The following SFMBT1 variants were observed in gnomAD, a reference collection of about 807,000 sequenced individuals.
SFMBT1 encodes the protein Scm like with four mbt domains 1.
In SFMBT1, 32 loss-of-function variants were observed where a neutral mutation model predicts 108.7. The observed-to-expected ratio is 0.29, with a 90% CI of 0.22 to 0.40. The LOEUF (loss-of-function observed/expected upper bound fraction) is 0.40. Ranked by LOEUF, SFMBT1 falls within the 10% of genes least tolerant of loss-of-function variation. The pLI is 1.00. For synonymous variants in SFMBT1, 348 were observed against 369.5 expected (o/e 0.94, Z 0.67); for missense variants, 816 against 1,059.6 (o/e 0.77, Z 3.19).
intron 1 of SFMBT1, among the ~76,000 whole-genome samples, chr3:53,030,071 T>C (rs1314046291): frequency 3.3e-5 from 5 of 152,074 alleles, no homozygotes; most frequent in South Asian, 2.1e-4. Flanking sequence ...TCTATGGTAC[T>C]GTTTGCAGCA....
chr3:53,035,193 T>C (rs540053937), intron 1 of SFMBT1, among the ~76,000 whole-genome samples: 6 of 150,672 alleles, frequency 4.0e-5, no homozygotes, highest in South Asian at 2.2e-4. Flanking sequence ...GTTTGGACTT[T>C]ACCCGGCCAA....
chr3:53,017,817 C>G (rs934413864), intron 1 of SFMBT1, among the ~76,000 whole-genome samples: 1 of 152,210 alleles, frequency 6.6e-6, no homozygotes, highest in Non-Finnish European at 1.5e-5. Flanking sequence ...TTTCTAAACT[C>G]TTTTCCTTCT....
In SFMBT1 at chr3:52,905,008, T is replaced by C. The variant is rs1479204753; in HGVS notation, c.*128A>G. On this transcript the variant is annotated 3_prime_UTR_variant, in exon 21 of 21. Coordinates refer to ENST00000394752, the MANE Select transcript of SFMBT1 (RefSeq NM_016329.4). ...ACTGTGAGTCCTCCTTCCCCGAAAG[T>C]GCAAAGAGAGCAAGCTGATACCTGC... The C allele has an allele frequency of 1.1e-5, 14 of 1,301,748 alleles. No homozygotes were observed. In the Admixed American group the frequency reaches 2.3e-4, roughly 21 times the overall value. 80.6% of individuals were successfully genotyped at this position (1,301,748 alleles called of 1,614,324 possible).
At chr3:53,022,762 C>T (rs1043451335) in intron 1 of SFMBT1, among the ~76,000 whole-genome samples, 24 of 151,898 alleles carry the variant, frequency 1.6e-4, no homozygotes, top group Non-Finnish European at 3.1e-4. Context: ...CGGGGTGGAG[C>T]GGGAAATGGG....
chr3:52,962,791 A>G (rs1704005886), intron 2 of SFMBT1, among the ~76,000 whole-genome samples: 2 of 125,268 alleles, frequency 1.6e-5, no homozygotes, highest in South Asian at 6.0e-4. Context: ...TGGGTGACAG[A>G]GCAAGGCTCC....
chr3:53,002,216 C>T (rs1342017326), intron 1 of SFMBT1, among the ~76,000 whole-genome samples: 2 of 148,930 alleles, frequency 1.3e-5, no homozygotes, highest in Non-Finnish European at 3.0e-5. Context: ...CTGGCTAACA[C>T]GGCGAAACCT....
chr3:52,909,767 TG>T (rs1702173141), intron 17 of SFMBT1, among the ~76,000 whole-genome samples: 1 of 152,226 alleles, frequency 6.6e-6, no homozygotes, highest in Admixed American at 6.5e-5. Context: ...ATTTTGTCTT[TG>T]GGTGGCAATG....
intron 1 of SFMBT1, among the ~76,000 whole-genome samples, chr3:53,015,677 C>T (rs1432291612): frequency 6.6e-6 from 1 of 152,090 alleles, no homozygotes; most frequent in Non-Finnish European, 1.5e-5. Flanking sequence ...AACACCAGGT[C>T]CAAAAGACCA....
At chr3:53,034,831 T>C (rs1217425278) in intron 1 of SFMBT1, among the ~76,000 whole-genome samples, 1 of 151,736 alleles carries the variant, frequency 6.6e-6, no homozygotes, top group Non-Finnish European at 1.5e-5. Flanking sequence ...CCCAGCTACT[T>C]GGGAGGCTGA....
intron 1 of SFMBT1, 108 bp from the exon 2 acceptor site, chr3:52,969,366 A>G: frequency 1.7e-6 from 2 of 1,144,324 alleles, no homozygotes; most frequent in South Asian, 3.8e-5. Flanking sequence ...ACAAAAACAT[A>G]CTGGCAGAAT....
intron 6 of SFMBT1, 24 bp from the exon 7 acceptor site, chr3:52,931,059 C>G: frequency 6.3e-7 from 1 of 1,585,728 alleles, no homozygotes; most frequent in Non-Finnish European, 8.7e-7. Context: ...TGACAACATG[C>G]TTTAGATGAT....
chr3:52,998,144 G>A lies in SFMBT1; in HGVS notation c.-130-28886C>T, dbSNP rs912968733. ...AAAAAATGTAGATCAGGTCGGGCAC[G>A]GTGGCTCACGCCTGTAATCCCAGCA... On this transcript the variant is annotated intron_variant, in intron 1 of 20. Coordinates refer to ENST00000394752, the MANE Select transcript of SFMBT1 (RefSeq NM_016329.4). Among the ~76,000 whole-genome samples, 12 of 150,130 alleles carry A rather than the reference G, an allele frequency of 8.0e-5. 1 individual carries two copies. The highest frequency in any genetic ancestry group is 2.7e-4 in the Admixed American group (4 of 14,866).
chr3:53,034,550 A>T (rs1029191669), intron 1 of SFMBT1, among the ~76,000 whole-genome samples: 1 of 152,166 alleles, frequency 6.6e-6, no homozygotes, highest in Non-Finnish European at 1.5e-5. Context: ...ACTGTACTCC[A>T]GCCTGGGTGA....
intron 3 of SFMBT1, among the ~76,000 whole-genome samples, chr3:52,950,159 T>G (rs539502865): frequency 4.6e-5 from 7 of 150,622 alleles, no homozygotes; most frequent in African/African-American, 1.4e-4. Context: ...ATTTGTTGCC[T>G]TCTTCTTTGT....
chr3:53,026,302 T>A (rs1699488847), intron 1 of SFMBT1, among the ~76,000 whole-genome samples: 1 of 152,154 alleles, frequency 6.6e-6, no homozygotes, highest in Non-Finnish European at 1.5e-5. Flanking sequence ...TGAACTAAAT[T>A]TTTGGTCCCT....
chr3:52,908,054 G>T (rs184702884), intron 17 of SFMBT1, among the ~76,000 whole-genome samples: 2 of 149,932 alleles, frequency 1.3e-5, no homozygotes, highest in Non-Finnish European at 3.0e-5. Context: ...CACACAGTAA[G>T]CACTTTTTTG....
At chr3:52,972,882 A>G (rs954553671) in intron 1 of SFMBT1, among the ~76,000 whole-genome samples, 1 of 148,762 alleles carries the variant, frequency 6.7e-6, no homozygotes, top group African/African-American at 2.5e-5. Flanking sequence ...ACACTAGCTG[A>G]GTGTGGTCGC....
chr3:52,931,591 G>A (rs1218695124), intron 6 of SFMBT1, among the ~76,000 whole-genome samples: 1 of 152,182 alleles, frequency 6.6e-6, no homozygotes, highest in African/African-American at 2.4e-5. Context: ...TGTAATCCCA[G>A]CATTACGGGA....
intron 1 of SFMBT1, among the ~76,000 whole-genome samples, chr3:53,038,926 T>A (rs1320944416): frequency 1.3e-5 from 2 of 152,216 alleles, no homozygotes; most frequent in Non-Finnish European, 2.9e-5. Context: ...TTTGGTTAAC[T>A]GTTCTGGACG....
Sources: gnomAD v4.1 joint callset for allele counts (sites outside exome capture counted in the v4.1 genomes callset) on GRCh38, gnomAD v4.1.1 for gene constraint, MANE v1.5 for transcripts, NCBI Gene and HGNC (gene_info 2026-07-23, HGNC 2026-07-21) for gene names.